Variants in UBE2E3 observed in about 807,000 individuals in gnomAD.
UBE2E3 encodes the protein ubiquitin conjugating enzyme E2 E3, also known as ubiquitin-conjugating enzyme E2 E3.
A neutral mutation model predicts 23.6 loss-of-function variants in UBE2E3; 5 were observed. That is an observed-to-expected ratio of 0.21 (90% CI 0.11 to 0.44). The LOEUF (loss-of-function observed/expected upper bound fraction) is 0.44. Ranked by LOEUF, UBE2E3 falls within the 20% of genes least tolerant of loss-of-function variation. The pLI is 0.99. For missense variants in UBE2E3, 81 were observed against 249.8 expected (o/e 0.32, Z 4.55); for synonymous variants, 78 against 87.5 (o/e 0.89, Z 0.60).
At chr2:180,981,962 G>C (rs1188549121) in intron 1 of UBE2E3, 56 bp from the exon 2 acceptor site, 3 of 1,286,942 alleles carry the variant, frequency 2.3e-6, no homozygotes, top group African/African-American at 1.5e-5. Context: ...AAATGCTGTT[G>C]GTTTATTTCC....
chr2:180,993,289 G>T (rs1427397314), intron 3 of UBE2E3, among the ~76,000 whole-genome samples: 1 of 152,106 alleles, frequency 6.6e-6, no homozygotes, highest in Non-Finnish European at 1.5e-5. Flanking sequence ...TTAACTTTAT[G>T]GTTATTCACA....
At chr2:180,989,965 C>T (rs61080739) in intron 3 of UBE2E3, 413,784 of 1,542,110 alleles carry the variant, frequency 0.27, 58,537 homozygotes, top group Non-Finnish European at 0.29. Flanking sequence ...TCTTCCCTAT[C>T]AATATGAGAT....
chr2:181,054,298 A>G (rs1686927133), intron 3 of UBE2E3, among the ~76,000 whole-genome samples: 1 of 151,884 alleles, frequency 6.6e-6, no homozygotes, highest in Non-Finnish European at 1.5e-5. Context: ...GGACATCCAG[A>G]TGCATAAAAA....
intron 3 of UBE2E3, among the ~76,000 whole-genome samples, chr2:181,043,710 C>T (rs555976814): frequency 8.4e-4 from 128 of 152,200 alleles, no homozygotes; most frequent in Non-Finnish European, 1.1e-3. Flanking sequence ...TCCACCCATC[C>T]TCTTTTAAAA....
At chr2:181,036,898 G>T (rs749384538) in intron 3 of UBE2E3, among the ~76,000 whole-genome samples, 2 of 152,124 alleles carry the variant, frequency 1.3e-5, no homozygotes, top group Non-Finnish European at 2.9e-5. Flanking sequence ...TGGTTAAATT[G>T]GTTTCAGTAT....
In UBE2E3 at chr2:181,012,085, A is replaced by G. The variant is rs74455863; in HGVS notation, c.245+27992A>G. 5.9e-3 allele frequency among the ~76,000 whole-genome samples: 901 copies of G among 152,234 alleles called. 12 individuals are homozygous for G. Among genetic ancestry groups the G allele is most frequent in the African/African-American group, 0.021 (860 of 41,550 alleles). ...TATTAGGTTGGAAGGAAACAAGTTAATTGATGTTTTCTTTTGAGAGAGGGC... is the reference window on the plus strand; with the variant it reads ...TATTAGGTTGGAAGGAAACAAGTTAGTTGATGTTTTCTTTTGAGAGAGGGC... On this transcript the variant is annotated intron_variant, in intron 3 of 5. Transcript: ENST00000410062.
chr2:180,998,816 A>G (rs1684909166), intron 3 of UBE2E3, among the ~76,000 whole-genome samples: 1 of 152,202 alleles, frequency 6.6e-6, no homozygotes, highest in African/African-American at 2.4e-5. Context: ...AAAGGAGTAA[A>G]ACAAAAAAAT....
chr2:181,013,169 G>A (rs1040133649), intron 3 of UBE2E3, among the ~76,000 whole-genome samples: 15 of 152,040 alleles, frequency 9.9e-5, no homozygotes, highest in Non-Finnish European at 2.1e-4. Flanking sequence ...TTGCAACAAA[G>A]GAAAAATACT....
At chr2:181,052,463 G>A (rs948373171) in intron 3 of UBE2E3, among the ~76,000 whole-genome samples, 5 of 151,874 alleles carry the variant, frequency 3.3e-5, no homozygotes, top group African/African-American at 1.2e-4. Flanking sequence ...GGACAAGTTT[G>A]CTAGAGTCTG....
intron 3 of UBE2E3, among the ~76,000 whole-genome samples, chr2:181,035,460 T>C (rs1454017361): frequency 6.6e-6 from 1 of 152,120 alleles, no homozygotes; most frequent in Non-Finnish European, 1.5e-5. Flanking sequence ...ACTAGTGATA[T>C]ATATTACTTT....
intron 3 of UBE2E3, chr2:180,989,928 A>C (rs773123369): frequency 4.5e-6 from 7 of 1,549,646 alleles, no homozygotes; most frequent in Non-Finnish European, 6.1e-6. Flanking sequence ...TCAGATTGAG[A>C]ATGAAGAACT....
At chr2:181,003,969 AT>A in intron 3 of UBE2E3, among the ~76,000 whole-genome samples, 1 of 152,360 alleles carries the variant, frequency 6.6e-6, no homozygotes, top group South Asian at 2.1e-4. Context: ...AGACTAATAA[AT>A]GATGGAAGCA....
intron 3 of UBE2E3, among the ~76,000 whole-genome samples, chr2:181,056,355 A>G (rs1686988164): frequency 6.6e-6 from 1 of 151,744 alleles, no homozygotes; most frequent in Non-Finnish European, 1.5e-5. Flanking sequence ...AATACCTGAG[A>G]CTGAGTAGGT....
intron 3 of UBE2E3, among the ~76,000 whole-genome samples, chr2:181,002,460 C>G (rs964235116): frequency 6.6e-6 from 1 of 152,028 alleles, no homozygotes; most frequent in East Asian, 1.9e-4. Flanking sequence ...GGAATGATTA[C>G]GAACGAAGAA....
intron 3 of UBE2E3, among the ~76,000 whole-genome samples, chr2:181,001,300 G>A (rs1335407742): frequency 1.3e-5 from 2 of 152,180 alleles, no homozygotes; most frequent in East Asian, 3.8e-4. Flanking sequence ...AAGAGAGGTG[G>A]GAGAGAAATA....
chr2:181,016,963 T>C (rs1685510787), intron 3 of UBE2E3, among the ~76,000 whole-genome samples: 1 of 152,210 alleles, frequency 6.6e-6, no homozygotes, highest in Non-Finnish European at 1.5e-5. Flanking sequence ...ATGCCATAAC[T>C]GTTCTAAGAA....
intron 3 of UBE2E3, among the ~76,000 whole-genome samples, chr2:181,021,114 G>C (rs1685655449): frequency 6.6e-6 from 1 of 152,178 alleles, no homozygotes; most frequent in African/African-American, 2.4e-5. Context: ...TAGGATAATA[G>C]CTACAGCAAT....
intron 4 of UBE2E3, among the ~76,000 whole-genome samples, chr2:181,060,105 G>A (rs561633108): frequency 6.6e-6 from 1 of 151,644 alleles, no homozygotes; most frequent in African/African-American, 2.4e-5. Context: ...CAGTGAACCA[G>A]CTGTAGAAAT....
intron 3 of UBE2E3, chr2:180,987,390 G>C: frequency 1.3e-6 from 2 of 1,549,906 alleles, no homozygotes; most frequent in Non-Finnish European, 1.7e-6. Context: ...CGAAAGTTTA[G>C]AAAGGTACTG....
Sources: allele counts gnomAD v4.1 joint callset (sites outside exome capture counted in the v4.1 genomes callset), GRCh38; gene constraint gnomAD v4.1.1; transcripts MANE v1.5; gene names NCBI Gene and HGNC (gene_info 2026-07-23, HGNC 2026-07-21).